Variants in PRKCE observed in about 807,000 individuals in gnomAD.
PRKCE encodes the protein protein kinase C epsilon.
Under a neutral mutation model 85.4 loss-of-function variants are expected in PRKCE, and 16 were observed. The observed-to-expected ratio is 0.19, with a 90% CI of 0.13 to 0.28. The LOEUF is 0.28. Among genes scored for constraint, PRKCE ranks in the 10% least tolerant of loss-of-function variants. The probability of loss-of-function intolerance (pLI) is 1.00; values close to 1 mark genes in which losing one functional copy is unlikely to be tolerated. For missense variants in PRKCE, 573 were observed against 975.2 expected (o/e 0.59, Z 5.49); for synonymous variants, 388 against 371.5 (o/e 1.04, Z -0.51).
chr2:45,803,958 C>G (rs913766552), intron 1 of PRKCE, among the ~76,000 whole-genome samples: 1 of 152,162 alleles, frequency 6.6e-6, no homozygotes, highest in Non-Finnish European at 1.5e-5. Context: ...GGTCCTTATC[C>G]CTGCCCCATC....
chr2:45,654,881 C>T (rs1227742193), intron 1 of PRKCE, among the ~76,000 whole-genome samples: 1 of 152,130 alleles, frequency 6.6e-6, no homozygotes, highest in East Asian at 1.9e-4. Context: ...TCACCTTTCC[C>T]AGTCTTAACA....
intron 2 of PRKCE, among the ~76,000 whole-genome samples, chr2:45,974,516 C>T (rs767468931): frequency 6.6e-5 from 10 of 152,212 alleles, no homozygotes; most frequent in Non-Finnish European, 1.5e-4. Context: ...TCTGGGAACG[C>T]TGAGGGCAGA....
chr2:46,010,218 G>C, intron 9 of PRKCE, 126 bp from the exon 10 acceptor site: 1 of 1,103,952 alleles, frequency 9.1e-7, no homozygotes, highest in South Asian at 2.0e-5. Flanking sequence ...ACCACACCAG[G>C]CTTGTTATAA....
In PRKCE at chr2:45,652,567, A is replaced by C. The variant is rs548488444; in HGVS notation, c.348+119A>C. 2.1e-5 allele frequency: 21 copies of C among 980,326 alleles called. No individual in the cohort carries two copies. The East Asian group carries it at 5.0e-4, about 23-fold the overall frequency. 60.7% of individuals were successfully genotyped at this position (980,326 alleles called of 1,614,324 possible). On this transcript the variant is annotated intron_variant, in intron 1 of 14. Coordinates refer to ENST00000306156, the MANE Select transcript of PRKCE (RefSeq NM_005400.3). The surrounding 1 kb of genome is among the most constrained non-coding windows in gnomAD (Gnocchi z 7.7). Reference sequence around the variant, plus strand: ...TGACGACTGGGGTGTGTGTGCCTGTAAGTCTCAGTTTCCTTGGGGAGGTAC... The same window carrying C: ...TGACGACTGGGGTGTGTGTGCCTGTCAGTCTCAGTTTCCTTGGGGAGGTAC...
chr2:45,878,193 G>A (rs552487622), intron 2 of PRKCE, among the ~76,000 whole-genome samples: 1 of 152,358 alleles, frequency 6.6e-6, no homozygotes, highest in South Asian at 2.1e-4. Context: ...AACCCCTGGT[G>A]TTTCGGTAAC....
At chr2:46,097,066 G>A (rs1420352639) in intron 11 of PRKCE, among the ~76,000 whole-genome samples, 1 of 152,176 alleles carries the variant, frequency 6.6e-6, no homozygotes, top group Non-Finnish European at 1.5e-5. Context: ...ATGTGAGTCT[G>A]TGTCTCTTTT....
At chr2:45,991,636 T>C (rs1703807220) in intron 6 of PRKCE, among the ~76,000 whole-genome samples, 1 of 152,254 alleles carries the variant, frequency 6.6e-6, no homozygotes, top group Non-Finnish European at 1.5e-5. Flanking sequence ...TTTTAATTTA[T>C]GCTGTCACAG....
At chr2:46,160,512 C>T (rs1677648968) in intron 14 of PRKCE, among the ~76,000 whole-genome samples, 2 of 152,204 alleles carry the variant, frequency 1.3e-5, no homozygotes. Context: ...TGTGTTGTAG[C>T]CCGTTGAAGC....
rs71394871 is a variant in PRKCE at position 46,062,668 on chromosome 2, CTTTTTTTT to C, written c.1438-23522_1438-23515del. ...GAGTTGAAGGGTATAAAAGCTCAGC[CTTTTTTTT>C]TTTTTTTTTTTTTTTTTGAGATGGT... On this transcript the variant is annotated intron_variant, in intron 10 of 14. Coordinates refer to ENST00000306156, the MANE Select transcript of PRKCE (RefSeq NM_005400.3). Among the ~76,000 whole-genome samples the C allele has an allele frequency of 5.5e-5, 4 of 73,260 alleles. 1 individual carries two copies. The highest frequency in any genetic ancestry group is 9.4e-5 in the Non-Finnish European group (4 of 42,694). 48.1% of individuals were successfully genotyped at this position (73,260 alleles called of 152,430 possible).
At chr2:46,183,181 CA>C (rs1553373730) in intron 14 of PRKCE, among the ~76,000 whole-genome samples, 5 of 152,164 alleles carry the variant, frequency 3.3e-5, no homozygotes, top group Non-Finnish European at 4.4e-5. Flanking sequence ...TTTAGGAAAA[CA>C]AAAAAGTTTT....
Position 45,863,391 on chromosome 2 carries a change from A to G in PRKCE, c.412+20328A>G, listed in dbSNP as rs1166164680. Among the ~76,000 whole-genome samples, 3 of 152,108 alleles carry G rather than the reference A, an allele frequency of 2.0e-5. No homozygotes were observed. In the East Asian group the frequency reaches 5.8e-4, roughly 29 times the overall value. On this transcript the variant is annotated intron_variant, in intron 2 of 14. Transcript: ENST00000306156. ...CAGGCTTGTCTGCAAACACAATACC[A>G]GGGTAAAATAGCACTTGCAAAGTCC...
chr2:46,080,896 T>G (rs1669003760), intron 10 of PRKCE, among the ~76,000 whole-genome samples: 1 of 152,120 alleles, frequency 6.6e-6, no homozygotes, highest in African/African-American at 2.4e-5. Flanking sequence ...CTCCAGGTTC[T>G]GCAGACACAG....
chr2:45,863,064 G>T (rs1051899883), intron 2 of PRKCE, among the ~76,000 whole-genome samples: 2 of 152,198 alleles, frequency 1.3e-5, no homozygotes, highest in Non-Finnish European at 2.9e-5. Flanking sequence ...TTGAGGGACT[G>T]GGGGGTTGTG....
intron 1 of PRKCE, chr2:45,770,855 A>C: frequency 8.9e-6 from 1 of 111,962 alleles, no homozygotes; most frequent in Non-Finnish European, 1.9e-5. Flanking sequence ...ACCAAATCAA[A>C]ACAAACAAGG....
chr2:45,730,488 C>G (rs1681475755), intron 1 of PRKCE, among the ~76,000 whole-genome samples: 1 of 146,838 alleles, frequency 6.8e-6, no homozygotes. Flanking sequence ...GAGACAGAGT[C>G]TCACCCTGTT....
At chr2:46,069,022 A>G (rs1255056565) in intron 10 of PRKCE, among the ~76,000 whole-genome samples, 1 of 152,214 alleles carries the variant, frequency 6.6e-6, no homozygotes, top group Admixed American at 6.5e-5. Flanking sequence ...ATTATGCTAT[A>G]AAAACTGTCC....
chr2:46,182,081 A>G (rs568178579), intron 14 of PRKCE, among the ~76,000 whole-genome samples: 1 of 152,006 alleles, frequency 6.6e-6, no homozygotes, highest in East Asian at 1.9e-4. Flanking sequence ...CTACTACTCC[A>G]TTATCCCCTT....
intron 11 of PRKCE, among the ~76,000 whole-genome samples, chr2:46,099,876 C>CA (rs541142055): frequency 1.6e-4 from 24 of 152,160 alleles, no homozygotes; most frequent in Admixed American, 2.6e-4. Flanking sequence ...TTTCTGTGTG[C>CA]ATGGCCCTAT....
intron 1 of PRKCE, among the ~76,000 whole-genome samples, chr2:45,782,319 G>A (rs1331009000): frequency 6.6e-6 from 1 of 152,090 alleles, no homozygotes; most frequent in Admixed American, 6.5e-5. Context: ...GAGGCAGTAT[G>A]GTGTCACAAC....
Sources: gnomAD v4.1 joint callset for allele counts (sites outside exome capture counted in the v4.1 genomes callset) on GRCh38, gnomAD v4.1.1 for gene constraint, Gnocchi (gnomAD v3.1) non-coding constraint, MANE v1.5 for transcripts, NCBI Gene and HGNC (gene_info 2026-07-23, HGNC 2026-07-21) for gene names.